DNAH9: variants seen among roughly 807,000 people sequenced by gnomAD.
DNAH9 encodes DNAH9 variant protein.
DNAH9 carries 345 observed loss-of-function variants against 471.6 expected under a neutral mutation model. The ratio of observed to expected loss-of-function variants is 0.73; its 90% CI spans 0.67 to 0.80. DNAH9 has a LOEUF of 0.80. DNAH9 is among the 30% of genes least tolerant of loss of function. The pLI is 0.00. For synonymous variants in DNAH9, 2,093 were observed against 2,123.6 expected (o/e 0.99, Z 0.40); for missense variants, 5,407 against 5,609.2 (o/e 0.96, Z 1.15).
At chr17:11,631,489 C>CA (rs2073064283) in intron 7 of DNAH9, among the ~76,000 whole-genome samples, 1 of 151,740 alleles carries the variant, frequency 6.6e-6, no homozygotes, top group African/African-American at 2.4e-5. Flanking sequence ...ATTAAAAATA[C>CA]AAAAAAATAG....
Position 11,619,764 on chromosome 17 carries a change from C to T in DNAH9, c.1333C>T (p.Gln445Ter), listed in dbSNP as rs772094989. 21 of 1,610,266 alleles carry T rather than the reference C, an allele frequency of 1.3e-5. No homozygotes were observed. Among genetic ancestry groups the T allele is most frequent in the Non-Finnish European group, 1.5e-5 (18 of 1,176,694 alleles). ...TGTGCGATTGGATGGCTTCCTGGGACAACTGCACGTGGTGGAGGTGAGTGC... is the reference window on the plus strand; with the variant it reads ...TGTGCGATTGGATGGCTTCCTGGGATAACTGCACGTGGTGGAGGTGAGTGC... Reference protein sequence around the residue: ...VFVRLDGFLGQLHVVEGLLKT... With the variant: ...VFVRLDGFLG Residue 445 changes from glutamine (Q) to a stop codon, truncating the protein, a stop_gained, in exon 6 of 69, where the codon CAA becomes TAA. Coordinates refer to ENST00000262442, the MANE Select transcript of DNAH9 (RefSeq NM_001372.4). LOFTEE classifies it high-confidence loss of function.
intron 8 of DNAH9, among the ~76,000 whole-genome samples, chr17:11,634,453 C>G (rs1272850678): frequency 2.6e-5 from 4 of 152,098 alleles, no homozygotes; most frequent in African/African-American, 7.2e-5. Context: ...GGACATGAAT[C>G]CATGAGTACA....
rs1288535856 is a variant in DNAH9, at chr17:11,669,624, A to G, written c.3183A>G (p.Gln1061=). The change falls in exon 17 of 69, where the codon CAA becomes CAG. Residue 1061 remains glutamine, a synonymous_variant. Coordinates refer to ENST00000262442, the MANE Select transcript of DNAH9 (RefSeq NM_001372.4). ...CCCTCCTTTCTCAGTTTAAAGTGCAAATCGACTCCTATGAAACGCTCTATG... is the reference window on the plus strand; with the variant it reads ...CCCTCCTTTCTCAGTTTAAAGTGCAGATCGACTCCTATGAAACGCTCTATG... ...NPPLLSQFKV[Q]IDSYETLYEE... 1 of 1,614,088 alleles carries G rather than the reference A, an allele frequency of 6.2e-7. No individual in the cohort carries two copies. Among genetic ancestry groups the G allele is most frequent in the African/African-American group, 1.3e-5 (1 of 74,924 alleles).
intron 45 of DNAH9, among the ~76,000 whole-genome samples, chr17:11,814,075 C>A (rs1289351341): frequency 6.6e-6 from 1 of 152,118 alleles, no homozygotes; most frequent in Non-Finnish European, 1.5e-5. Flanking sequence ...CTGAAAGGTT[C>A]ATTACTGGCT....
At chr17:11,963,924 G>A (rs984791206) in intron 68 of DNAH9, among the ~76,000 whole-genome samples, 16 of 152,132 alleles carry the variant, frequency 1.1e-4, no homozygotes, top group African/African-American at 3.1e-4. Context: ...TCTACAAGCC[G>A]AGGAATTCCA....
At chr17:11,853,950 G>A (rs1171932662) in intron 49 of DNAH9, 53 bp from the exon 50 acceptor site, 3 of 1,556,216 alleles carry the variant, frequency 1.9e-6, no homozygotes, top group Non-Finnish European at 2.6e-6. Flanking sequence ...CAGTGGCAGA[G>A]GACAAAGAAA....
At chr17:11,966,782 T>C (rs1248482056) in intron 68 of DNAH9, among the ~76,000 whole-genome samples, 1 of 152,040 alleles carries the variant, frequency 6.6e-6, no homozygotes, top group Non-Finnish European at 1.5e-5. Context: ...GGAATTAGGC[T>C]GGGCACAGTG....
Position 11,815,729 on chromosome 17 carries a change from C to T in DNAH9, c.8707+5360C>T, listed in dbSNP as rs560324319. Reference sequence around the variant, plus strand: ...GCTTGTGCCCAGGAGCTTGAGGCTGCAATGAGTTGTGATTGTGCCATTGCA... The same window carrying T: ...GCTTGTGCCCAGGAGCTTGAGGCTGTAATGAGTTGTGATTGTGCCATTGCA... On this transcript the variant is annotated intron_variant, in intron 45 of 68. Transcript: ENST00000262442. Among the ~76,000 whole-genome samples the T allele has an allele frequency of 2.0e-5, 3 of 152,092 alleles. No homozygotes were observed. The South Asian group carries it at 6.2e-4, about 32-fold the overall frequency.
chr17:11,756,045 G>A (rs2150857391), intron 33 of DNAH9, among the ~76,000 whole-genome samples: 1 of 152,224 alleles, frequency 6.6e-6, no homozygotes, highest in African/African-American at 2.4e-5. Flanking sequence ...GGGAAGCTGA[G>A]GTGGGCGGAT....
intron 67 of DNAH9, among the ~76,000 whole-genome samples, chr17:11,943,593 C>G (rs780183492): frequency 1.3e-5 from 2 of 152,066 alleles, no homozygotes; most frequent in African/African-American, 2.4e-5. Context: ...AGGAGAATAG[C>G]GTGAACCTGG....
At chr17:11,612,239 TA>T in intron 4 of DNAH9, 1 of 277,122 alleles carries the variant, frequency 3.6e-6, no homozygotes, top group South Asian at 5.7e-5. Flanking sequence ...CCATCTGTCC[TA>T]ATCAAGGACT....
intron 62 of DNAH9, among the ~76,000 whole-genome samples, chr17:11,924,364 C>G (rs1276538167): frequency 6.6e-6 from 1 of 152,018 alleles, no homozygotes; most frequent in African/African-American, 2.4e-5. Context: ...ACGGGCATGA[C>G]TAGGATATGG....
At chr17:11,656,952 G>A (rs964858277) in intron 14 of DNAH9, among the ~76,000 whole-genome samples, 2 of 141,952 alleles carry the variant, frequency 1.4e-5, no homozygotes, top group African/African-American at 5.2e-5. Flanking sequence ...GAATTCCATT[G>A]TATGAATATA....
chr17:11,805,053 C>T (rs1217068521), intron 43 of DNAH9, among the ~76,000 whole-genome samples: 3 of 137,274 alleles, frequency 2.2e-5, no homozygotes, highest in Admixed American at 7.4e-5. Context: ...GGCTCTGTCT[C>T]AAAAAAAAAA....
intron 41 of DNAH9, among the ~76,000 whole-genome samples, chr17:11,785,531 G>T (rs7221047): frequency 0.049 from 7,521 of 152,134 alleles, 631 homozygotes; most frequent in African/African-American, 0.17. Flanking sequence ...GTAAGAAGCA[G>T]AAACCTACTA....
intron 26 of DNAH9, among the ~76,000 whole-genome samples, chr17:11,706,638 C>T (rs7225385): frequency 0.059 from 8,973 of 152,094 alleles, 876 homozygotes; most frequent in African/African-American, 0.2. Context: ...TGACCTGGAG[C>T]GTGAAGGATG....
Position 11,641,894 on chromosome 17 carries a change from A to G in DNAH9, c.1901+1510A>G, listed in dbSNP as rs370219961. Among the ~76,000 whole-genome samples the G allele has an allele frequency of 5.3e-5, 8 of 152,294 alleles. No homozygotes were observed. In the South Asian group the frequency reaches 1.7e-3, roughly 32 times the overall value. ...AAAGAAGTTGAGCTGCTGAGCTGCAAGAAAGTTGCAATGGGGGTCTCAGCT... is the reference window on the plus strand; with the variant it reads ...AAAGAAGTTGAGCTGCTGAGCTGCAGGAAAGTTGCAATGGGGGTCTCAGCT... On this transcript the variant is annotated intron_variant, in intron 10 of 68. Transcript: ENST00000262442.
chr17:11,652,367 G>A (rs2073528835), intron 13 of DNAH9, among the ~76,000 whole-genome samples: 1 of 129,338 alleles, frequency 7.7e-6, no homozygotes, highest in South Asian at 2.6e-4. Flanking sequence ...CTCACTGCAA[G>A]CTCTGCCTCC....
chr17:11,665,845 C>T (rs896150602), intron 15 of DNAH9, among the ~76,000 whole-genome samples: 1 of 152,114 alleles, frequency 6.6e-6, no homozygotes, highest in Non-Finnish European at 1.5e-5. Flanking sequence ...AATAAATAGT[C>T]CAAGGCCAGT....
Sources: gnomAD v4.1 joint callset for allele counts (sites outside exome capture counted in the v4.1 genomes callset) on GRCh38, gnomAD v4.1.1 for gene constraint, MANE v1.5 for transcripts, NCBI Gene and HGNC (gene_info 2026-07-23, HGNC 2026-07-21) for gene names.